The following PTPRN2 variants were observed in gnomAD, a reference collection of about 807,000 sequenced individuals.
The protein encoded by PTPRN2 is receptor-type tyrosine-protein phosphatase N2.
In PTPRN2, 74 loss-of-function variants were observed where a neutral mutation model predicts 118.8. The observed-to-expected ratio is 0.62, with a 90% CI of 0.52 to 0.76. PTPRN2 has a LOEUF of 0.76. Among genes scored for constraint, PTPRN2 ranks in the 30% least tolerant of loss-of-function variants. PTPRN2 has a pLI of 0.00. For missense variants in PTPRN2, 1,481 were observed against 1,394.4 expected (o/e 1.06, Z -0.99); for synonymous variants, 641 against 608.0 (o/e 1.05, Z -0.80).
chr7:157,766,217 A>ACC, intron 12 of PTPRN2, among the ~76,000 whole-genome samples: 3 of 138,416 alleles, frequency 2.2e-5, no homozygotes, highest in Admixed American at 7.2e-5. Flanking sequence ...CCATCCACCC[A>ACC]CACACCCATC....
At chr7:157,663,244 G>GC (rs1486000254) in intron 13 of PTPRN2, among the ~76,000 whole-genome samples, 1 of 152,170 alleles carries the variant, frequency 6.6e-6, no homozygotes, top group Non-Finnish European at 1.5e-5. Context: ...AGGTCACTGA[G>GC]CAAGGGCTGT....
intron 12 of PTPRN2, among the ~76,000 whole-genome samples, chr7:157,796,896 C>T (rs933104553): frequency 2.0e-5 from 3 of 152,220 alleles, no homozygotes; most frequent in Non-Finnish European, 2.9e-5. Flanking sequence ...CACCACCCCC[C>T]AGGCCCCACA....
intron 8 of PTPRN2, 74 bp from the exon 9 acceptor site, chr7:158,134,133 C>T: frequency 1.3e-6 from 2 of 1,508,614 alleles, no homozygotes; most frequent in Non-Finnish European, 1.8e-6. Flanking sequence ...CAAGGGCTGC[C>T]CGGGACAGAG....
At chr7:157,695,190 C>G (rs1797705193) in intron 12 of PTPRN2, among the ~76,000 whole-genome samples, 2 of 151,888 alleles carry the variant, frequency 1.3e-5, no homozygotes, top group Non-Finnish European at 2.9e-5. Flanking sequence ...ATCCCATGCA[C>G]TAAATTATCA....
chr7:157,568,765 A>G (rs900920830), intron 21 of PTPRN2, 137 bp downstream of exon 21: 1 of 826,814 alleles, frequency 1.2e-6, no homozygotes, highest in African/African-American at 1.7e-5. Context: ...GCTGCAAACC[A>G]CCTTCCTACG....
At chr7:157,672,538 G>A (rs1796467119) in intron 13 of PTPRN2, among the ~76,000 whole-genome samples, 1 of 152,172 alleles carries the variant, frequency 6.6e-6, no homozygotes, top group African/African-American at 2.4e-5. Context: ...CAGGAAAGGT[G>A]ATTCCAGGTC....
At chr7:158,150,297 C>G (rs746824847) in intron 6 of PTPRN2, among the ~76,000 whole-genome samples, 6 of 152,224 alleles carry the variant, frequency 3.9e-5, no homozygotes, top group Non-Finnish European at 8.8e-5. Flanking sequence ...CTGCTAAAGG[C>G]TAACGTAACC....
At chr7:158,443,001 G>T (rs1165757177) in intron 2 of PTPRN2, among the ~76,000 whole-genome samples, 1 of 149,046 alleles carries the variant, frequency 6.7e-6, no homozygotes, top group Admixed American at 6.7e-5. Context: ...TAGAAAGACG[G>T]TACTAAAGCA....
chr7:157,565,873 C>T (rs1439916196), intron 21 of PTPRN2, among the ~76,000 whole-genome samples: 3 of 152,202 alleles, frequency 2.0e-5, no homozygotes, highest in East Asian at 1.9e-4. Flanking sequence ...GAGTTAGAAA[C>T]GCATCTGCTG....
intron 14 of PTPRN2, among the ~76,000 whole-genome samples, chr7:157,635,781 T>G (rs972609249): frequency 2.0e-5 from 3 of 150,930 alleles, no homozygotes; most frequent in Non-Finnish European, 1.5e-5. Context: ...GGATTTTCTA[T>G]AATTTTCTCC....
Position 157,611,313 on chromosome 7 carries a change from C to T in PTPRN2, c.2345-7238G>A, listed in dbSNP as rs182544106. Among the ~76,000 whole-genome samples, 78 of 152,326 alleles carry T rather than the reference C, an allele frequency of 5.1e-4. No homozygotes were observed. Among genetic ancestry groups the T allele is most frequent in the Non-Finnish European group, 8.8e-4 (60 of 68,034 alleles). On this transcript the variant is annotated intron_variant, in intron 15 of 22. Transcript: ENST00000389418. The surrounding 1 kb of genome is among the most constrained non-coding windows in gnomAD (Gnocchi z 5.9). ...GGTGGACTAGAAGGAGCCTCAAGCC[C>T]TGGGGGATTCCCATACCTGAAGCGA...
At chr7:158,399,437 A>G (rs1812773445) in intron 2 of PTPRN2, among the ~76,000 whole-genome samples, 1 of 152,192 alleles carries the variant, frequency 6.6e-6, no homozygotes, top group Admixed American at 6.5e-5. Flanking sequence ...GAATCACTTG[A>G]GTCCAAGAGT....
At chr7:158,510,888 T>G (rs979227428) in intron 1 of PTPRN2, among the ~76,000 whole-genome samples, 3 of 152,176 alleles carry the variant, frequency 2.0e-5, no homozygotes, top group African/African-American at 7.2e-5. Flanking sequence ...ATGTGTCGAG[T>G]TCCCAGCAGT....
At chr7:158,116,337 C>G (rs145745891) in intron 9 of PTPRN2, among the ~76,000 whole-genome samples, 252 of 152,332 alleles carry the variant, frequency 1.7e-3, no homozygotes, top group Non-Finnish European at 3.2e-3. Flanking sequence ...CACCTGACAA[C>G]ACTGTGCTAG....
chr7:157,604,196 C>A, intron 15 of PTPRN2, 121 bp from the exon 16 acceptor site: 1 of 847,710 alleles, frequency 1.2e-6, no homozygotes, highest in South Asian at 1.6e-5. Flanking sequence ...CTCCAGGGTC[C>A]ATCACACAGC....
At chr7:157,950,374 A>G (rs6459821) in intron 11 of PTPRN2, among the ~76,000 whole-genome samples, 79,408 of 151,896 alleles carry the variant, frequency 0.52, 21,637 homozygotes, top group East Asian at 0.67. Flanking sequence ...GTTCAGATGC[A>G]TAATGGGTTA....
rs1365356714 is a variant in PTPRN2 at position 157,936,623 on chromosome 7, GGTGGGGTTCT to G, written c.1724-37896_1724-37887del. ...CGTGTCTCCTCCACTCGGAAGCCAG[GGTGGGGTTCT>G]ACAGTGCAGGTCTGACACCTCCCGT... On this transcript the variant is annotated intron_variant, in intron 11 of 22. Coordinates refer to ENST00000389418, the MANE Select transcript of PTPRN2 (RefSeq NM_002847.5). Among the ~76,000 whole-genome samples, 453 of 142,118 alleles carry G rather than the reference GGTGGGGTTCT, an allele frequency of 3.2e-3. 11 individuals carry two copies. The highest frequency in any genetic ancestry group is 7.7e-3 in the African/African-American group (301 of 39,062). 93.2% of individuals were successfully genotyped at this position (142,118 alleles called of 152,430 possible).
At chr7:157,625,803 G>C in intron 14 of PTPRN2, among the ~76,000 whole-genome samples, 1 of 152,172 alleles carries the variant, frequency 6.6e-6, no homozygotes. Flanking sequence ...GTGCATGTGT[G>C]AGAGAGTGTG....
At chr7:157,767,549 C>T (rs1802558610) in intron 12 of PTPRN2, among the ~76,000 whole-genome samples, 1 of 152,226 alleles carries the variant, frequency 6.6e-6, no homozygotes, top group African/African-American at 2.4e-5. Context: ...CCTGCTCTCC[C>T]AGGAAACACT....
Sources: gnomAD v4.1 joint callset for allele counts (sites outside exome capture counted in the v4.1 genomes callset) on GRCh38, gnomAD v4.1.1 for gene constraint, Gnocchi (gnomAD v3.1) non-coding constraint, MANE v1.5 for transcripts, NCBI Gene and HGNC (gene_info 2026-07-23, HGNC 2026-07-21) for gene names.